The following VCAN variants were observed in gnomAD, a reference collection of about 807,000 sequenced individuals.
VCAN encodes versican core protein.
In VCAN, 44 loss-of-function variants were observed where a neutral mutation model predicts 245.5. The ratio of observed to expected loss-of-function variants is 0.18; its 90% confidence interval spans 0.14 to 0.23. The LOEUF is 0.23. VCAN is among the 10% of genes least tolerant of loss of function. The pLI, the probability that VCAN is intolerant of heterozygous loss-of-function variation, is 1.00. For synonymous variants in VCAN, 1,413 were observed against 1,437.0 expected, an observed-to-expected ratio of 0.98 and a Z score of 0.38; for missense variants, 3,793 against 4,057.9, an observed-to-expected ratio of 0.93 and a Z score of 1.77.
intron 12 of VCAN, among the ~76,000 whole-genome samples, chr5:83,571,028 T>C (rs975764849): frequency 2.6e-5 from 4 of 152,154 alleles, no homozygotes; most frequent in African/African-American, 9.7e-5. Context: ...ATATTAGCCA[T>C]TGTCACATAA....
chr5:83,501,317 A>G (rs1009385029), intron 5 of VCAN, among the ~76,000 whole-genome samples: 5 of 152,124 alleles, frequency 3.3e-5, no homozygotes, highest in African/African-American at 1.2e-4. Flanking sequence ...TGAAAAGTCC[A>G]ATTTGTCTAT....
chr5:83,480,087 C>T (rs256459), intron 1 of VCAN, among the ~76,000 whole-genome samples: 18,590 of 152,090 alleles, frequency 0.12, 1,320 homozygotes, highest in Middle Eastern at 0.19. Context: ...AGTTAGAGAT[C>T]TTATATTTAG....
chr5:83,557,649 A>G (rs1252176818), intron 12 of VCAN, among the ~76,000 whole-genome samples: 2 of 152,160 alleles, frequency 1.3e-5, no homozygotes, highest in African/African-American at 2.4e-5. Context: ...GACTATTTCC[A>G]TAGTCTAGAA....
chr5:83,551,427 A>G (rs177930), intron 10 of VCAN, among the ~76,000 whole-genome samples: 108,767 of 151,508 alleles, frequency 0.72, 39,399 homozygotes, highest in Admixed American at 0.78. Context: ...CAGGAGACTC[A>G]CTTGAACCCG....
rs2112408372 is a variant in VCAN at position 83,520,162 on chromosome 5, T to C, written c.1856T>C (p.Met619Thr). The change falls in exon 7 of 15, where the codon ATG becomes ACG. Residue 619 changes from methionine (M) to threonine (T), a missense_variant. Coordinates refer to ENST00000265077, the MANE Select transcript of VCAN (RefSeq NM_004385.5). ...ATGCCTGATAATAATGGATCATCCA[T>C]GGATGACTGGGAAGAGAGACAAACT... is the stretch of plus-strand genomic sequence containing the variant. ...LIMPDNNGSSMDDWEERQTSG... is the reference protein window; with the variant it reads ...LIMPDNNGSSTDDWEERQTSG... 6.2e-7 allele frequency: 1 copy of C among 1,614,074 alleles called. No homozygotes were observed. Among genetic ancestry groups the C allele is most frequent in the East Asian group, 2.2e-5 (1 of 44,868 alleles).
intron 5 of VCAN, among the ~76,000 whole-genome samples, chr5:83,506,770 G>A (rs1745494555): frequency 6.6e-6 from 1 of 152,192 alleles, no homozygotes; most frequent in South Asian, 2.1e-4. Context: ...AGAAAAAGAG[G>A]TTTAATTGGA....
At chr5:83,480,278 C>T (rs983835743) in intron 1 of VCAN, among the ~76,000 whole-genome samples, 53 of 152,230 alleles carry the variant, frequency 3.5e-4, no homozygotes, top group African/African-American at 6.0e-4. Flanking sequence ...ATTCTCCTCT[C>T]CCCAACAAAA....
At chr5:83,501,380 C>A (rs1454208793) in intron 5 of VCAN, among the ~76,000 whole-genome samples, 2 of 151,900 alleles carry the variant, frequency 1.3e-5, no homozygotes, top group African/African-American at 4.8e-5. Context: ...TTGCCAAATC[C>A]CCAGTCATGA....
At chr5:83,480,961 A>T (rs1479480304) in intron 1 of VCAN, among the ~76,000 whole-genome samples, 1 of 152,130 alleles carries the variant, frequency 6.6e-6, no homozygotes, top group Non-Finnish European at 1.5e-5. Context: ...ACATTATTTT[A>T]TCAATTCCTA....
intron 7 of VCAN, among the ~76,000 whole-genome samples, chr5:83,527,650 G>GT (rs1342177658): frequency 6.6e-6 from 1 of 152,036 alleles, no homozygotes; most frequent in Non-Finnish European, 1.5e-5. Flanking sequence ...TTTTGTATAC[G>GT]TAATACATAG....
chr5:83,479,379 T>A (rs1211401277), intron 1 of VCAN, among the ~76,000 whole-genome samples: 2 of 152,202 alleles, frequency 1.3e-5, no homozygotes, highest in East Asian at 3.9e-4. Flanking sequence ...GTGTCCCTTA[T>A]CCTCCCTGCA....
chr5:83,509,063 A>AAAAG lies in VCAN; in HGVS notation c.749-3022_749-3019dup, dbSNP rs35600716. Among the ~76,000 whole-genome samples, 499 of 147,990 alleles carry AAAAG rather than the reference A, an allele frequency of 3.4e-3. 3 individuals carry two copies. The highest frequency in any genetic ancestry group is 0.012 in the African/African-American group (477 of 38,680). On this transcript the variant is annotated intron_variant, in intron 5 of 14. Coordinates refer to ENST00000265077, the MANE Select transcript of VCAN (RefSeq NM_004385.5). ...AAGAAAGAAAGAAAGAGAAAGAAAG[A>AAAAG]AAAGAAAGAAAGAAAGAAAGAGAAA...
intron 5 of VCAN, among the ~76,000 whole-genome samples, chr5:83,500,190 G>C (rs530003165): frequency 6.6e-6 from 1 of 152,264 alleles, no homozygotes; most frequent in East Asian, 1.9e-4. Flanking sequence ...AGCTTGAAGA[G>C]CCTCTTGCAC....
intron 12 of VCAN, among the ~76,000 whole-genome samples, chr5:83,560,281 AT>A (rs928291465): frequency 2.6e-5 from 4 of 151,632 alleles, no homozygotes; most frequent in Admixed American, 6.6e-5. Context: ...TTGGAGGAGG[AT>A]TTTTTTTTCC....
chr5:83,476,507 T>C (rs1293574133), intron 1 of VCAN, among the ~76,000 whole-genome samples: 1 of 152,184 alleles, frequency 6.6e-6, no homozygotes, highest in East Asian at 1.9e-4. Flanking sequence ...GATTGTTACA[T>C]AGGTCTGTAT....
chr5:83,555,189 T>A, intron 12 of VCAN, 151 bp downstream of exon 12: 1 of 751,918 alleles, frequency 1.3e-6, no homozygotes, highest in Non-Finnish European at 2.3e-6. Context: ...GTTAGAAGAG[T>A]TCCAAGCTAC....
chr5:83,522,369 C>T, intron 7 of VCAN, 60 bp downstream of exon 7: 2 of 1,576,254 alleles, frequency 1.3e-6, no homozygotes, highest in Non-Finnish European at 1.7e-6. Flanking sequence ...TTGAAAGTTA[C>T]TTTTGGGGAA....
At chr5:83,551,692 TGCCA>T (rs1747477098) in intron 10 of VCAN, among the ~76,000 whole-genome samples, 1 of 152,184 alleles carries the variant, frequency 6.6e-6, no homozygotes, top group Admixed American at 6.5e-5. Context: ...AGGAAAGTTA[TGCCA>T]TTATAAATCA....
intron 10 of VCAN, among the ~76,000 whole-genome samples, chr5:83,549,545 A>G (rs1747378989): frequency 6.6e-6 from 1 of 152,212 alleles, no homozygotes; most frequent in South Asian, 2.1e-4. Context: ...TCACACTTCT[A>G]AAGTAACTCT....
Sources: allele counts gnomAD v4.1 joint callset (sites outside exome capture counted in the v4.1 genomes callset), GRCh38; gene constraint gnomAD v4.1.1; transcripts MANE v1.5; gene names NCBI Gene and HGNC (gene_info 2026-07-23, HGNC 2026-07-21).